RYR3: variants seen among roughly 807,000 people sequenced by gnomAD.
RYR3 encodes ryanodine receptor 3.
RYR3 carries 207 observed loss-of-function variants against 584.3 expected under a neutral mutation model. The ratio of observed to expected loss-of-function variants is 0.35; its 90% CI spans 0.32 to 0.40. The LOEUF is 0.40. Ranked by LOEUF, RYR3 falls within the 10% of genes least tolerant of loss-of-function variation. The probability of loss-of-function intolerance (pLI) is 1.00; values close to 1 mark genes in which losing one functional copy is unlikely to be tolerated. For missense variants in RYR3, 5,616 were observed against 6,089.2 expected, an observed-to-expected ratio of 0.92 and a Z score of 2.59; for synonymous variants, 2,416 against 2,248.5, an observed-to-expected ratio of 1.07 and a Z score of -2.11.
chr15:33,864,008 C>T lies in RYR3; in HGVS notation c.14466-130C>T, dbSNP rs545341097. The T allele has an allele frequency of 8.5e-4, 534 of 630,366 alleles. 6 individuals carry two copies. Among genetic ancestry groups the T allele is most frequent in the South Asian group, 7.6e-3 (365 of 48,092 alleles). 39.0% of individuals were successfully genotyped at this position (630,366 alleles called of 1,614,324 possible). A position where few individuals can be genotyped will look rare whatever the true frequency, so the allele number is the denominator to read the frequency against. ...TGGTTTGTGTCCTTATGCCACACTT[C>T]CCTGATCATTTAAGTCACTGTAGAT... is the stretch of plus-strand genomic sequence containing the variant. On this transcript the variant is annotated intron_variant, in intron 102 of 103. Transcript: ENST00000634891.
intron 38 of RYR3, among the ~76,000 whole-genome samples, chr15:33,688,214 C>G (rs555588843): frequency 0.15 from 1,127 of 7,634 alleles, 11 homozygotes; most frequent in Middle Eastern, 0.47. Flanking sequence ...AACAGATTTA[C>G]AAGAAAAAAA....
At chr15:33,596,732 G>T (rs2059394231) in intron 16 of RYR3, among the ~76,000 whole-genome samples, 1 of 152,088 alleles carries the variant, frequency 6.6e-6, no homozygotes, top group Admixed American at 6.5e-5. Context: ...TTAGATTGGT[G>T]CAAAAGTAAT....
chr15:33,544,344 T>A (rs866521921), intron 8 of RYR3, among the ~76,000 whole-genome samples: 7 of 150,460 alleles, frequency 4.7e-5, no homozygotes, highest in Non-Finnish European at 5.9e-5. Context: ...ATCTGATATT[T>A]AAAAAAAAAA....
intron 57 of RYR3, among the ~76,000 whole-genome samples, chr15:33,752,294 G>C (rs985937029): frequency 2.0e-5 from 3 of 152,148 alleles, no homozygotes; most frequent in African/African-American, 4.8e-5. Flanking sequence ...GATGGGAATA[G>C]CATTGAATCT....
In RYR3 at chr15:33,458,856, C is replaced by A. The variant is rs2047784225; in HGVS notation, c.52-14563C>A. Among the ~76,000 whole-genome samples, 4 of 152,286 alleles carry A rather than the reference C, an allele frequency of 2.6e-5. No individual in the cohort carries two copies. In the South Asian group the frequency reaches 8.3e-4, roughly 32 times the overall value. On this transcript the variant is annotated intron_variant, in intron 1 of 103. Transcript: ENST00000634891. The stretch of plus-strand genomic sequence containing the variant: ...TTTTCTGGGGTCAACAATGGCCTAG[C>A]CTTTGGATTCTTGATTGAAAGGAAA...
At chr15:33,488,629 G>C (rs567709856) in intron 2 of RYR3, among the ~76,000 whole-genome samples, 1 of 152,072 alleles carries the variant, frequency 6.6e-6, no homozygotes, top group Non-Finnish European at 1.5e-5. Flanking sequence ...AAGGCGGGCA[G>C]ATCACAAGGT....
intron 57 of RYR3, among the ~76,000 whole-genome samples, chr15:33,753,006 TCTCC>T (rs2071468599): frequency 6.6e-6 from 1 of 152,230 alleles, no homozygotes; most frequent in African/African-American, 2.4e-5. Flanking sequence ...GAAGGCCTTT[TCTCC>T]CTCTATTGAG....
intron 27 of RYR3, among the ~76,000 whole-genome samples, chr15:33,640,878 A>T (rs1366007999): frequency 6.6e-6 from 1 of 152,146 alleles, no homozygotes; most frequent in Non-Finnish European, 1.5e-5. Flanking sequence ...CCCTCTTATT[A>T]TATTTTCTTC....
chr15:33,455,087 C>T (rs549007895), intron 1 of RYR3, among the ~76,000 whole-genome samples: 16 of 152,242 alleles, frequency 1.1e-4, no homozygotes, highest in Admixed American at 6.5e-4. Context: ...GCAGTGGGAA[C>T]GGAGAGAAGC....
chr15:33,562,874 A>G lies in RYR3; in HGVS notation c.1010A>G (p.Asp337Gly). 1 of 1,613,388 alleles carries G rather than the reference A, an allele frequency of 6.2e-7. No individual in the cohort carries two copies. The highest frequency in any genetic ancestry group is 1.1e-5 in the South Asian group (1 of 91,034). The part of the protein sequence containing the change: ...KEKLDSSHKR[D>G]IEGMGVPEIK... ...AAATTAGACTCCAGTCACAAGCGAG[A>G]CATAGAAGGCATGGGAGTTCCAGAA... The change falls in exon 11 of 104, where the codon GAC becomes GGC. Residue 337 changes from aspartate to glycine, a missense_variant. By Grantham distance (94) the Asp-to-Gly change is moderately conservative. Transcript: ENST00000634891.
intron 74 of RYR3, among the ~76,000 whole-genome samples, chr15:33,814,355 T>A (rs2076695174): frequency 6.6e-6 from 1 of 152,232 alleles, no homozygotes; most frequent in South Asian, 2.1e-4. Flanking sequence ...TCTGCTTCAC[T>A]GACTTATCAA....
chr15:33,328,501 T>A (rs1913425), intron 1 of RYR3, among the ~76,000 whole-genome samples: 15,255 of 152,268 alleles, frequency 0.1, 1,762 homozygotes, highest in African/African-American at 0.28. Flanking sequence ...TCACTAATCT[T>A]CATGGGGTCA....
At chr15:33,853,448 C>T (rs1472298351) in intron 95 of RYR3, 107 bp from the exon 96 acceptor site, 9 of 1,366,534 alleles carry the variant, frequency 6.6e-6, no homozygotes, top group Admixed American at 2.6e-5. Flanking sequence ...CTTCATCTAC[C>T]CCTTGGAAGA....
chr15:33,731,523 G>A lies in RYR3; in HGVS notation c.7253G>A (p.Cys2418Tyr). 2 of 1,613,742 alleles carry A rather than the reference G, an allele frequency of 1.2e-6. No individual in the cohort carries two copies. Among genetic ancestry groups the A allele is most frequent in the Non-Finnish European group, 1.7e-6 (2 of 1,179,804 alleles). The change falls in exon 48 of 104, where the codon TGT (cysteine) becomes TAT (tyrosine). Residue 2418 changes from cysteine to tyrosine, a missense_variant. This residue lies in a region of RYR3 where 1,280 missense variants were observed against 1,426.2 expected (regional missense o/e 0.90). Transcript: ENST00000634891. ...GCGCTTGCACTAAATAGGTATATAT[G>A]TTCTGCTGTGCTCCCGCTCCTCACA... The part of the protein sequence containing the change: ...EAALALNRYI[C>Y]SAVLPLLTRC...
At chr15:33,709,504 T>C (rs949137804) in intron 43 of RYR3, among the ~76,000 whole-genome samples, 4 of 151,958 alleles carry the variant, frequency 2.6e-5, no homozygotes, top group African/African-American at 7.3e-5. Context: ...ATCCCGAGAG[T>C]TGGGAGATGG....
intron 32 of RYR3, among the ~76,000 whole-genome samples, chr15:33,654,033 T>C (rs1055502814): frequency 2.0e-5 from 3 of 152,102 alleles, no homozygotes; most frequent in African/African-American, 7.2e-5. Context: ...GAGCAAACTA[T>C]GGGAGATGGG....
intron 19 of RYR3, among the ~76,000 whole-genome samples, chr15:33,621,383 C>A (rs2152589969): frequency 6.6e-6 from 1 of 152,250 alleles, no homozygotes; most frequent in South Asian, 2.1e-4. Context: ...CCAGAAAGAT[C>A]CAATTTTATC....
At chr15:33,624,774 A>C (rs1318237902) in intron 20 of RYR3, among the ~76,000 whole-genome samples, 6 of 152,242 alleles carry the variant, frequency 3.9e-5, no homozygotes, top group Non-Finnish European at 1.5e-5. Context: ...TCTACACAGC[A>C]GGGCTATTTG....
chr15:33,663,084 G>A (rs2063264350), intron 35 of RYR3, 136 bp downstream of exon 35: 2 of 749,366 alleles, frequency 2.7e-6, no homozygotes, highest in Non-Finnish European at 4.4e-6. Flanking sequence ...AGTGCTTGAT[G>A]ATTATGGTGC....
Sources: allele counts gnomAD v4.1 joint callset (sites outside exome capture counted in the v4.1 genomes callset), GRCh38; gene constraint gnomAD v4.1.1; regional missense constraint gnomAD v4.1.1; transcripts MANE v1.5; gene names NCBI Gene and HGNC (gene_info 2026-07-23, HGNC 2026-07-21).